The following KDELR2 variants were observed in gnomAD, a reference collection of about 807,000 sequenced individuals.
KDELR2 encodes the protein KDEL endoplasmic reticulum protein retention receptor 2.
In KDELR2, 15 loss-of-function variants were observed where a neutral mutation model predicts 23.9. The ratio of observed to expected loss-of-function variants is 0.63; its 90% CI spans 0.42 to 0.97. The LOEUF (loss-of-function observed/expected upper bound fraction) is 0.97. Ranked by LOEUF, KDELR2 falls within the 50% of genes least tolerant of loss-of-function variation. The probability of loss-of-function intolerance (pLI) is 0.00; values close to 1 mark genes in which losing one functional copy is unlikely to be tolerated. For missense variants in KDELR2, 272 were observed against 254.6 expected, an observed-to-expected ratio of 1.07 and a Z score of -0.46; for synonymous variants, 119 against 106.2, an observed-to-expected ratio of 1.12 and a Z score of -0.74.
intron 4 of KDELR2, among the ~76,000 whole-genome samples, chr7:6,463,754 A>T (rs924779703): frequency 5.0e-5 from 6 of 120,530 alleles, no homozygotes; most frequent in Admixed American, 2.3e-4. Flanking sequence ...TTAAAAAGAT[A>T]AAAAAAAAAA....
At position 6,461,709 on chromosome 7, in the gene KDELR2, C is replaced by T. The variant is rs894347052; in HGVS notation, c.*1432G>A. 6.6e-6 allele frequency: 1 copy of T among 151,224 alleles called. No individual in the cohort carries two copies. Among genetic ancestry groups the T allele is most frequent in the East Asian group, 1.9e-4 (1 of 5,186 alleles). The allele number at this position is 151,224 out of a possible 1,614,324, so 9.4% of individuals were successfully genotyped here. ...CATCCTGCTCCCTTCCTCCAGAAGA[C>T]GTTGTAATGCAGAAAGCCAAAATAC... On this transcript the variant is annotated 3_prime_UTR_variant, in exon 5 of 5. Transcript: ENST00000258739.
chr7:6,479,849 G>T (rs934746650), intron 1 of KDELR2, among the ~76,000 whole-genome samples: 4 of 152,210 alleles, frequency 2.6e-5, no homozygotes, highest in Admixed American at 6.5e-5. Context: ...ATAGTGGGTG[G>T]TCAATAAATG....
intron 1 of KDELR2, among the ~76,000 whole-genome samples, chr7:6,480,627 G>C (rs756636589): frequency 6.6e-6 from 1 of 151,838 alleles, no homozygotes; most frequent in African/African-American, 2.4e-5. Flanking sequence ...CCATGGTTCC[G>C]AGACTAAAAC....
At chr7:6,470,026 C>G in intron 2 of KDELR2, 1 of 285,520 alleles carries the variant, frequency 3.5e-6, no homozygotes, top group Non-Finnish European at 6.6e-6. Flanking sequence ...CCCAGGCTTC[C>G]TTCACCTCCT....
intron 3 of KDELR2, among the ~76,000 whole-genome samples, chr7:6,469,135 G>A (rs1311336591): frequency 6.7e-6 from 1 of 148,996 alleles, no homozygotes; most frequent in East Asian, 2.0e-4. Context: ...TTATTTTTTA[G>A]TACAGACGGG....
chr7:6,465,042 T>G (rs1441162665), intron 4 of KDELR2, among the ~76,000 whole-genome samples: 1 of 151,842 alleles, frequency 6.6e-6, no homozygotes. Flanking sequence ...GACCTATATA[T>G]GCTTTTTACC....
At chr7:6,480,753 A>G (rs56364677) in intron 1 of KDELR2, among the ~76,000 whole-genome samples, 23,545 of 152,258 alleles carry the variant, frequency 0.15, 2,085 homozygotes, top group Non-Finnish European at 0.2. Flanking sequence ...TGAGAAACTC[A>G]TATCAAATTC....
Position 6,461,670 on chromosome 7 carries a change from A to T in KDELR2, c.*1471T>A, listed in dbSNP as rs1055617839. Reference sequence around the variant, plus strand: ...AGAAAGATGTTAAGACACACACTAGATACAAATGAAACCCATCCTGCTCCC... The same window carrying T: ...AGAAAGATGTTAAGACACACACTAGTTACAAATGAAACCCATCCTGCTCCC... On this transcript the variant is annotated 3_prime_UTR_variant, in exon 5 of 5. Transcript: ENST00000258739. 1 of 151,284 alleles carries T rather than the reference A, an allele frequency of 6.6e-6. No homozygotes were observed. Among genetic ancestry groups the T allele is most frequent in the Non-Finnish European group, 1.5e-5 (1 of 67,930 alleles). The allele number at this position is 151,284 out of a possible 1,614,324, so 9.4% of individuals were successfully genotyped here.
At chr7:6,475,393 T>C (rs896432260) in intron 1 of KDELR2, among the ~76,000 whole-genome samples, 8 of 152,110 alleles carry the variant, frequency 5.3e-5, no homozygotes, top group African/African-American at 1.9e-4. Context: ...ATCCCTGCAC[T>C]CTAGCCTGGG....
At chr7:6,469,453 C>T (rs1221032594) in intron 3 of KDELR2, 143 bp downstream of exon 3, 6 of 683,086 alleles carry the variant, frequency 8.8e-6, no homozygotes, top group Non-Finnish European at 1.5e-5. Flanking sequence ...GACGGTGTTG[C>T]ACCATGTTGG....
chr7:6,480,230 C>A (rs1002464680), intron 1 of KDELR2, among the ~76,000 whole-genome samples: 1 of 152,206 alleles, frequency 6.6e-6, no homozygotes, highest in African/African-American at 2.4e-5. Flanking sequence ...ATAGACACAG[C>A]ACTACAGTAG....
intron 1 of KDELR2, among the ~76,000 whole-genome samples, chr7:6,481,564 A>G (rs1785891837): frequency 6.6e-6 from 1 of 152,064 alleles, no homozygotes; most frequent in Admixed American, 6.6e-5. Flanking sequence ...ACTAAAGATT[A>G]AAAGTAACAT....
intron 3 of KDELR2, among the ~76,000 whole-genome samples, chr7:6,467,839 T>C (rs190241401): frequency 1.6e-4 from 24 of 152,184 alleles, no homozygotes; most frequent in African/African-American, 5.3e-4. Context: ...CCCCAGGATG[T>C]GAAGCAGCAC....
At chr7:6,464,951 G>C (rs923762964) in intron 4 of KDELR2, among the ~76,000 whole-genome samples, 4 of 151,876 alleles carry the variant, frequency 2.6e-5, no homozygotes, top group Admixed American at 6.6e-5. Context: ...GGTCAGGCTA[G>C]TCTTGAACTC....
chr7:6,467,699 T>A (rs1225289829), intron 3 of KDELR2, among the ~76,000 whole-genome samples: 1 of 152,004 alleles, frequency 6.6e-6, no homozygotes, highest in East Asian at 1.9e-4. Context: ...AGGCGGAGGT[T>A]GCAGTGAGCC....
intron 1 of KDELR2, among the ~76,000 whole-genome samples, chr7:6,479,587 C>A (rs1463333331): frequency 6.6e-6 from 1 of 152,202 alleles, no homozygotes; most frequent in Non-Finnish European, 1.5e-5. Context: ...TGCCATTCTC[C>A]TGCCTCAGCC....
In KDELR2 at chr7:6,484,100, G is replaced by C. The variant is rs953598245; in HGVS notation, c.-43C>G. ...CGGTCGGCGCAGCGCGGCGGCCCCGGGGCTGGGCGGCTCAGGAGGCGGCGG... is the reference window on the plus strand; with the variant it reads ...CGGTCGGCGCAGCGCGGCGGCCCCGCGGCTGGGCGGCTCAGGAGGCGGCGG... On this transcript the variant is annotated 5_prime_UTR_variant, in exon 1 of 5. Coordinates refer to ENST00000258739, the MANE Select transcript of KDELR2 (RefSeq NM_006854.4). The C allele has an allele frequency of 1.5e-6, 2 of 1,339,832 alleles. No individual in the cohort carries two copies. Among genetic ancestry groups the C allele is most frequent in the African/African-American group, 1.5e-5 (1 of 64,794 alleles). 83.0% of individuals were successfully genotyped at this position (1,339,832 alleles called of 1,614,324 possible). A position where few individuals can be genotyped will look rare whatever the true frequency, so the allele number is the denominator to read the frequency against.
chr7:6,461,711 T>C lies in KDELR2; in HGVS notation c.*1430A>G, dbSNP rs1785392280. ...TCCTGCTCCCTTCCTCCAGAAGACG[T>C]TGTAATGCAGAAAGCCAAAATACTA... On this transcript the variant is annotated 3_prime_UTR_variant, in exon 5 of 5. Coordinates refer to ENST00000258739, the MANE Select transcript of KDELR2 (RefSeq NM_006854.4). 1 of 151,318 alleles carries C rather than the reference T, an allele frequency of 6.6e-6. No homozygotes were observed. The highest frequency in any genetic ancestry group is 6.7e-5 in the Admixed American group (1 of 14,992). The allele number at this position is 151,318 out of a possible 1,614,324, so 9.4% of individuals were successfully genotyped here.
At chr7:6,479,391 G>C (rs1785835118) in intron 1 of KDELR2, among the ~76,000 whole-genome samples, 2 of 152,164 alleles carry the variant, frequency 1.3e-5, no homozygotes, top group South Asian at 4.1e-4. Context: ...CTGTGCTCAA[G>C]TGATCCACCC....
Sources: gnomAD v4.1 joint callset for allele counts (sites outside exome capture counted in the v4.1 genomes callset) on GRCh38, gnomAD v4.1.1 for gene constraint, MANE v1.5 for transcripts, NCBI Gene and HGNC (gene_info 2026-07-23, HGNC 2026-07-21) for gene names.